The following KLF12 variants were observed in gnomAD, a reference collection of about 807,000 sequenced individuals.
KLF12 encodes the protein Krueppel-like factor 12.
In KLF12, 9 loss-of-function variants were observed where a neutral mutation model predicts 37.8. The ratio of observed to expected loss-of-function variants is 0.24; its 90% CI spans 0.14 to 0.42. KLF12 has a LOEUF of 0.42. KLF12 is among the 10% of genes least tolerant of loss of function. The pLI is 1.00. For missense variants in KLF12, 411 were observed against 516.0 expected, an observed-to-expected ratio of 0.80 and a Z score of 1.97; for synonymous variants, 208 against 202.1, an observed-to-expected ratio of 1.03 and a Z score of -0.25.
At chr13:74,245,890 C>T in the KLF12 span, among the ~76,000 whole-genome samples, 1 of 152,156 alleles carries the variant, frequency 6.6e-6, no homozygotes, top group Non-Finnish European at 1.5e-5. Flanking sequence ...ATCATAGTAA[C>T]TGTATGTTAA....
the KLF12 span, among the ~76,000 whole-genome samples, chr13:74,267,631 A>AT: frequency 6.6e-6 from 1 of 152,180 alleles, no homozygotes; most frequent in Non-Finnish European, 1.5e-5. Context: ...GTACAAAATT[A>AT]TGGTTATAGA....
intron 2 of KLF12, among the ~76,000 whole-genome samples, chr13:73,977,398 G>A (rs1891560572): frequency 1.3e-5 from 2 of 152,112 alleles, no homozygotes; most frequent in East Asian, 3.9e-4. Flanking sequence ...AATTACCCTT[G>A]AACTACCCCA....
intron 6 of KLF12, among the ~76,000 whole-genome samples, chr13:73,720,492 T>C (rs981667473): frequency 6.6e-6 from 1 of 152,204 alleles, no homozygotes; most frequent in Non-Finnish European, 1.5e-5. Flanking sequence ...CCAAATCCCG[T>C]ACTAAATATA....
intron 2 of KLF12, among the ~76,000 whole-genome samples, chr13:73,990,888 G>C (rs773710106): frequency 6.6e-6 from 1 of 151,990 alleles, no homozygotes; most frequent in Non-Finnish European, 1.5e-5. Flanking sequence ...CTAATTATTT[G>C]TATGTATGTA....
intron 3 of KLF12, among the ~76,000 whole-genome samples, chr13:73,870,268 A>T (rs758085907): frequency 1.9e-4 from 29 of 152,212 alleles, no homozygotes; most frequent in Non-Finnish European, 4.1e-4. Flanking sequence ...GGCAAACACA[A>T]CAAAACCAAA....
chr13:74,168,923 T>G, the KLF12 span, among the ~76,000 whole-genome samples: 1 of 152,212 alleles, frequency 6.6e-6, no homozygotes, highest in Admixed American at 6.5e-5. Flanking sequence ...GGATTGAAAT[T>G]CATATTTGTG....
At chr13:73,992,451 T>G (rs924336387) in intron 2 of KLF12, among the ~76,000 whole-genome samples, 10 of 152,214 alleles carry the variant, frequency 6.6e-5, no homozygotes, top group African/African-American at 2.4e-4. Context: ...GCAAAAGTTG[T>G]GTTTGTTTTT....
At chr13:74,249,306 C>T in the KLF12 span, among the ~76,000 whole-genome samples, 1 of 149,888 alleles carries the variant, frequency 6.7e-6, no homozygotes, top group Non-Finnish European at 1.5e-5. Flanking sequence ...TGCATTTCTA[C>T]TGCACAGTAA....
chr13:74,059,409 G>C (rs1318541814), intron 1 of KLF12, among the ~76,000 whole-genome samples: 1 of 152,164 alleles, frequency 6.6e-6, no homozygotes, highest in African/African-American at 2.4e-5. Context: ...CAGTATACAT[G>C]CATTCTCTTT....
chr13:73,756,764 C>A (rs901473458), intron 6 of KLF12, among the ~76,000 whole-genome samples: 5 of 152,082 alleles, frequency 3.3e-5, no homozygotes, highest in South Asian at 4.1e-4. Flanking sequence ...GGGCACCTAA[C>A]CCAGGACCAA....
the KLF12 span, among the ~76,000 whole-genome samples, chr13:74,172,142 G>GACACACACACACACACACACACACAC: frequency 3.4e-5 from 5 of 145,960 alleles, no homozygotes; most frequent in African/African-American, 7.6e-5. Context: ...TTTTCCTCAC[G>GACACACACACACACACACACACACAC]ACACACACAC....
intron 2 of KLF12, among the ~76,000 whole-genome samples, chr13:73,988,388 T>G (rs1359974020): frequency 6.6e-6 from 1 of 152,208 alleles, no homozygotes; most frequent in Non-Finnish European, 1.5e-5. Context: ...TAGAAACTTA[T>G]CTGCCCATCT....
chr13:74,026,420 T>A (rs1486588770), intron 1 of KLF12, among the ~76,000 whole-genome samples: 1 of 152,116 alleles, frequency 6.6e-6, no homozygotes, highest in African/African-American at 2.4e-5. Flanking sequence ...CATTTAAAAA[T>A]GGTTAAACTA....
At chr13:74,137,290 G>T (rs1160175843), upstream of KLF12, among the ~76,000 whole-genome samples, 1 of 152,188 alleles carries the variant, frequency 6.6e-6, no homozygotes, top group Non-Finnish European at 1.5e-5. Flanking sequence ...AATGTGTAGC[G>T]AGAAAGTACG....
At chr13:74,045,397 G>T (rs570067421) in intron 1 of KLF12, among the ~76,000 whole-genome samples, 3 of 152,158 alleles carry the variant, frequency 2.0e-5, no homozygotes, top group African/African-American at 7.2e-5. Flanking sequence ...CAAAATACCC[G>T]ACGAGCACAC....
chr13:74,159,395 G>C, the KLF12 span, among the ~76,000 whole-genome samples: 1 of 152,128 alleles, frequency 6.6e-6, no homozygotes, highest in Non-Finnish European at 1.5e-5. Flanking sequence ...ATTCCTATCA[G>C]GATGACCTGA....
chr13:74,229,993 ATTACT>A, the KLF12 span, among the ~76,000 whole-genome samples: 794 of 152,296 alleles, frequency 5.2e-3, 11 homozygotes, highest in African/African-American at 0.018. Flanking sequence ...GATGAGGTAC[ATTACT>A]TAGTTTCTCT....
chr13:74,156,733 T>C, the KLF12 span, among the ~76,000 whole-genome samples: 1 of 152,142 alleles, frequency 6.6e-6, no homozygotes, highest in Non-Finnish European at 1.5e-5. Flanking sequence ...TATTTGTCTT[T>C]CTGTACCTGG....
At chr13:74,294,827 C>T in the KLF12 span, among the ~76,000 whole-genome samples, 1 of 152,186 alleles carries the variant, frequency 6.6e-6, no homozygotes, top group African/African-American at 2.4e-5. Context: ...TTTTCCCCTG[C>T]AAAGCAGTAA....
Sources: allele counts gnomAD v4.1 joint callset (sites outside exome capture counted in the v4.1 genomes callset), GRCh38; gene constraint gnomAD v4.1.1; transcripts MANE v1.5; gene names NCBI Gene and HGNC (gene_info 2026-07-23, HGNC 2026-07-21).